Variants in PHYHIP observed in about 807,000 individuals in gnomAD.
PHYHIP encodes phytanoyl-CoA 2-hydroxylase interacting protein.
PHYHIP carries 7 observed loss-of-function variants against 26.1 expected under a neutral mutation model. The observed-to-expected ratio is 0.27, with a 90% CI of 0.15 to 0.50. PHYHIP has a LOEUF of 0.50. PHYHIP is among the 20% of genes least tolerant of loss of function. The probability of loss-of-function intolerance (pLI) is 0.98; values close to 1 mark genes in which losing one functional copy is unlikely to be tolerated. For synonymous variants in PHYHIP, 206 were observed against 183.4 expected (o/e 1.12, Z -1.00); for missense variants, 232 against 454.7 (o/e 0.51, Z 4.45).
chr8:22,226,699 T>C (rs1829752524), intron 3 of PHYHIP, 152 bp downstream of exon 3: 4 of 626,070 alleles, frequency 6.4e-6, no homozygotes, highest in Non-Finnish European at 5.1e-6. Flanking sequence ...GAGGGTGTCA[T>C]GCCCGTGCAT....
intron 1 of PHYHIP, among the ~76,000 whole-genome samples, chr8:22,230,616 G>A (rs1829847576): frequency 1.3e-5 from 2 of 151,150 alleles, no homozygotes; most frequent in African/African-American, 4.9e-5. Flanking sequence ...CCCAAGACAG[G>A]CATGTACACA....
Position 22,221,711 on chromosome 8 carries a change from C to G in PHYHIP, c.635G>C (p.Arg212Pro). The G allele has an allele frequency of 6.2e-7, 1 of 1,613,048 alleles. No homozygotes were observed. Among genetic ancestry groups the G allele is most frequent in the Non-Finnish European group, 8.5e-7 (1 of 1,179,734 alleles). ...GAGGTTGGTGCTGGGATTGAAGAGG[C>G]GCTGAGCTGGGATCTGGAAGCGCCA... ...GRWRFQIPAQRLFNPSTNLYF... is the reference protein window; with the variant it reads ...GRWRFQIPAQPLFNPSTNLYF... The change falls in exon 5 of 5, where the codon CGC becomes CCC. Residue 212 changes from arginine (R) to proline (P), a missense_variant. Arg to Pro is a moderately radical substitution (Grantham distance 103). Transcript: ENST00000454243. The surrounding 1 kb of genome is among the most constrained non-coding windows in gnomAD (Gnocchi z 7.9).
At position 22,226,727 on chromosome 8, in the gene PHYHIP, C is replaced by T. The variant is rs536574119; in HGVS notation, c.340+124G>A. ...CCGTGCATCTCCCCTGTGGCCCAAG[C>T]ACGCTGCCTGGTGGACAGAAGGTGT... On this transcript the variant is annotated intron_variant, in intron 3 of 4. Transcript: ENST00000454243. 74 of 891,322 alleles carry T rather than the reference C, an allele frequency of 8.3e-5. No homozygotes were observed. The African/African-American group carries it at 1.1e-3, about 13-fold the overall frequency. 55.2% of individuals were successfully genotyped at this position (891,322 alleles called of 1,614,324 possible). A position where few individuals can be genotyped will look rare whatever the true frequency, so the allele number is the denominator to read the frequency against.
In PHYHIP at chr8:22,231,467, A is replaced by G. The variant is rs982144576; in HGVS notation, c.-30+329T>C. Among the ~76,000 whole-genome samples the G allele has an allele frequency of 4.6e-5, 7 of 152,328 alleles. No individual in the cohort carries two copies. In the Middle Eastern group the frequency reaches 0.01, roughly 222 times the overall value. On this transcript the variant is annotated intron_variant, in intron 1 of 4. Coordinates refer to ENST00000454243, the MANE Select transcript of PHYHIP (RefSeq NM_014759.5). Reference sequence around the variant, plus strand: ...CTCCAGCCAACTCGCGAGCGCGCACACACACACGCCGCGCACACCGGTGCC... The same window carrying G: ...CTCCAGCCAACTCGCGAGCGCGCACGCACACACGCCGCGCACACCGGTGCC...
At chr8:22,225,935 C>A (rs892858886) in intron 3 of PHYHIP, among the ~76,000 whole-genome samples, 1 of 152,134 alleles carries the variant, frequency 6.6e-6, no homozygotes, top group Non-Finnish European at 1.5e-5. Flanking sequence ...AGGCCCGGGG[C>A]TGAGAATGTT....
intron 3 of PHYHIP, among the ~76,000 whole-genome samples, chr8:22,226,477 A>C (rs1489193058): frequency 3.9e-5 from 6 of 152,202 alleles, no homozygotes; most frequent in African/African-American, 1.4e-4. Context: ...GAATATACTT[A>C]ATACCACTGA....
intron 1 of PHYHIP, among the ~76,000 whole-genome samples, chr8:22,230,189 C>T (rs1032830609): frequency 2.0e-5 from 3 of 152,088 alleles, no homozygotes; most frequent in African/African-American, 4.8e-5. Flanking sequence ...CAGGGAGACA[C>T]ACATGTGCCC....
In PHYHIP at chr8:22,220,463, G is replaced by A. The variant is rs147647814; in HGVS notation, c.*890C>T. On this transcript the variant is annotated 3_prime_UTR_variant, in exon 5 of 5. Coordinates refer to ENST00000454243, the MANE Select transcript of PHYHIP (RefSeq NM_014759.5). The stretch of plus-strand genomic sequence containing the variant: ...CTGGGCGGGGTGCCGGGGCCCGCGG[G>A]ACAGCTTACAGGTCTCACGTTCCAT... 483 of 152,766 alleles carry A rather than the reference G, an allele frequency of 3.2e-3. 4 individuals are homozygous for A. Among genetic ancestry groups the A allele is most frequent in the Middle Eastern group, 6.8e-3 (2 of 296 alleles). 9.5% of individuals were successfully genotyped at this position (152,766 alleles called of 1,614,324 possible).
At chr8:22,231,353 A>G (rs1218988838) in intron 1 of PHYHIP, among the ~76,000 whole-genome samples, 1 of 152,214 alleles carries the variant, frequency 6.6e-6, no homozygotes, top group Non-Finnish European at 1.5e-5. Context: ...CGTGTGCCAG[A>G]AAGATATGTT....
intron 3 of PHYHIP, among the ~76,000 whole-genome samples, chr8:22,224,919 A>G (rs1296129031): frequency 6.6e-6 from 1 of 152,160 alleles, no homozygotes; most frequent in Non-Finnish European, 1.5e-5. Context: ...GGAAGGCTGG[A>G]AACAGGATAG....
chr8:22,229,120 C>T lies in PHYHIP; in HGVS notation c.-29-734G>A, dbSNP rs771742441. Among the ~76,000 whole-genome samples the T allele has an allele frequency of 4.7e-4, 72 of 152,260 alleles. 2 individuals carry two copies. The highest frequency in any genetic ancestry group is 7.7e-4 in the East Asian group (4 of 5,178). ...GGCCATGTGCTCATAATTTCACAGA[C>T]GTCTCATGCAACCTTGGAAGTAGGC... On this transcript the variant is annotated intron_variant, in intron 1 of 4. Coordinates refer to ENST00000454243, the MANE Select transcript of PHYHIP (RefSeq NM_014759.5).
chr8:22,221,240 G>T lies in PHYHIP; in HGVS notation c.*113C>A. On this transcript the variant is annotated 3_prime_UTR_variant, in exon 5 of 5. Transcript: ENST00000454243. The surrounding 1 kb of genome is among the most constrained non-coding windows in gnomAD (Gnocchi z 7.9). ...CAAGGGGCGAGGGGAGGGCAGCTGG[G>T]CAGAGTGGAGGGAGCAGGGGGGCAG... is the stretch of plus-strand genomic sequence containing the variant. The T allele has an allele frequency of 1.9e-6, 2 of 1,039,762 alleles. No individual in the cohort carries two copies. The highest frequency in any genetic ancestry group is 2.7e-6 in the Non-Finnish European group (2 of 735,138). 64.4% of individuals were successfully genotyped at this position (1,039,762 alleles called of 1,614,324 possible).
intron 4 of PHYHIP, 103 bp downstream of exon 4, chr8:22,224,123 C>T: frequency 2.7e-6 from 2 of 738,294 alleles, no homozygotes; most frequent in South Asian, 3.0e-5. Flanking sequence ...GAGGGACTGG[C>T]AGCCACGAGG....
rs1286642874 is a variant in PHYHIP at position 22,232,011 on chromosome 8, G to A, written c.-245C>T. 1 of 153,266 alleles carries A rather than the reference G, an allele frequency of 6.5e-6. No individual in the cohort carries two copies. The highest frequency in any genetic ancestry group is 1.5e-5 in the Non-Finnish European group (1 of 68,084). 9.5% of individuals were successfully genotyped at this position (153,266 alleles called of 1,614,324 possible). A position where few individuals can be genotyped will look rare whatever the true frequency, so the allele number is the denominator to read the frequency against. On this transcript the variant is annotated 5_prime_UTR_variant, in exon 1 of 5. Transcript: ENST00000454243. ...AGCGCGTCGCTGCTGCCCCTGGTGA[G>A]ACGATGTTCCCAGCTGAGCAGCGCA...
At chr8:22,229,550 CG>C (rs1829826964) in intron 1 of PHYHIP, among the ~76,000 whole-genome samples, 1 of 152,108 alleles carries the variant, frequency 6.6e-6, no homozygotes, top group Non-Finnish European at 1.5e-5. Context: ...GGCCTAGCTC[CG>C]GGATGGGGAA....
At position 22,224,231 on chromosome 8, in the gene PHYHIP, A is replaced by G. The variant is rs760959580; in HGVS notation, c.453T>C (p.His151=). 1.3e-6 allele frequency: 2 copies of G among 1,595,038 alleles called. No homozygotes were observed. The highest frequency in any genetic ancestry group is 1.3e-5 in the African/African-American group (1 of 74,554). ...CCGGGAGCCCGCGCCCATACCTGGC[A>G]TGCTGGAAGTACTCCTTGTGATGGT... ...YRNHHKEYFQ[H]ARTHCGNMLQ... is the part of the protein sequence containing the mutation. Residue 151 remains histidine (H), a synonymous_variant, in exon 4 of 5, where the codon CAT becomes CAC. Transcript: ENST00000454243.
chr8:22,226,787 C>A, intron 3 of PHYHIP, 64 bp downstream of exon 3: 1 of 1,479,832 alleles, frequency 6.8e-7, no homozygotes, highest in Non-Finnish European at 9.2e-7. Flanking sequence ...GGAAGACCCG[C>A]CTTGACCACA....
At chr8:22,225,804 T>C (rs1391763102) in intron 3 of PHYHIP, among the ~76,000 whole-genome samples, 1 of 136,126 alleles carries the variant, frequency 7.3e-6, no homozygotes, top group African/African-American at 2.9e-5. Flanking sequence ...CGAGATTCCA[T>C]CTCAAAAAAA....
Position 22,221,451 on chromosome 8 carries a change from G to A in PHYHIP, c.895C>T (p.Leu299=). 6.2e-7 allele frequency: 1 copy of A among 1,614,154 alleles called. No individual in the cohort carries two copies. The highest frequency in any genetic ancestry group is 8.5e-7 in the Non-Finnish European group (1 of 1,180,008). The change falls in exon 5 of 5, where the codon CTG becomes TTG. Residue 299 remains leucine, a synonymous_variant. Transcript: ENST00000454243. The surrounding 1 kb of genome is among the most constrained non-coding windows in gnomAD (Gnocchi z 7.9). ...TEPVDLSLGT[L]GEISGHQLMS... is the part of the protein sequence containing the mutation. ...AGCTGGTGCCCACTGATCTCCCCCAGGGTGCCCAGGGACAGGTCGACGGGC... is the reference window on the plus strand; with the variant it reads ...AGCTGGTGCCCACTGATCTCCCCCAAGGTGCCCAGGGACAGGTCGACGGGC...
Sources: gnomAD v4.1 joint callset for allele counts (sites outside exome capture counted in the v4.1 genomes callset) on GRCh38, gnomAD v4.1.1 for gene constraint, Gnocchi (gnomAD v3.1) non-coding constraint, MANE v1.5 for transcripts, NCBI Gene and HGNC (gene_info 2026-07-23, HGNC 2026-07-21) for gene names.